Variants in GRM7 observed in about 807,000 individuals in gnomAD.
GRM7 encodes the protein metabotropic glutamate receptor 7.
Under a neutral mutation model 84.5 loss-of-function variants are expected in GRM7, and 35 were observed. The ratio of observed to expected loss-of-function variants is 0.41; its 90% CI spans 0.32 to 0.55. GRM7 has a LOEUF of 0.55. GRM7 is among the 20% of genes least tolerant of loss of function. The pLI is 0.19. For missense variants in GRM7, 1,003 were observed against 1,194.6 expected (o/e 0.84, Z 2.36); for synonymous variants, 487 against 455.1 (o/e 1.07, Z -0.89).
At chr3:7,376,472 C>T (rs1008501994) in intron 4 of GRM7, among the ~76,000 whole-genome samples, 1 of 152,150 alleles carries the variant, frequency 6.6e-6, no homozygotes, top group Non-Finnish European at 1.5e-5. Context: ...TAGAGACTAC[C>T]TGGTTATTTA....
intron 4 of GRM7, among the ~76,000 whole-genome samples, chr3:7,327,017 C>A (rs1701015317): frequency 6.6e-6 from 1 of 152,122 alleles, no homozygotes. Flanking sequence ...CTACAGATGG[C>A]ATCTCTCTTG....
intron 9 of GRM7, among the ~76,000 whole-genome samples, chr3:7,702,479 A>C (rs867399065): frequency 1.3e-5 from 2 of 152,256 alleles, no homozygotes; most frequent in Admixed American, 1.3e-4. Context: ...AGTCATAAAC[A>C]TTTTAATCTG....
intron 2 of GRM7, among the ~76,000 whole-genome samples, chr3:7,262,191 G>C (rs1350645112): frequency 6.6e-6 from 1 of 151,104 alleles, no homozygotes; most frequent in Non-Finnish European, 1.5e-5. Flanking sequence ...AAGTTCTCAT[G>C]AATGATATCC....
chr3:7,077,265 C>T (rs1698121409), intron 1 of GRM7, among the ~76,000 whole-genome samples: 1 of 152,182 alleles, frequency 6.6e-6, no homozygotes. Flanking sequence ...TGTAAGGACA[C>T]ATACACACGT....
chr3:7,698,421 C>A (rs1467802319), intron 9 of GRM7, among the ~76,000 whole-genome samples: 2 of 152,184 alleles, frequency 1.3e-5, no homozygotes, highest in African/African-American at 4.8e-5. Context: ...GCTCCTTTTA[C>A]AGATAAGCAA....
intron 4 of GRM7, among the ~76,000 whole-genome samples, chr3:7,378,705 C>T (rs572239903): frequency 6.6e-6 from 1 of 152,140 alleles, no homozygotes; most frequent in Admixed American, 6.5e-5. Flanking sequence ...ATAATAAAAT[C>T]TTAAAATATA....
At chr3:7,431,624 C>G (rs932264898) in intron 5 of GRM7, among the ~76,000 whole-genome samples, 24 of 152,162 alleles carry the variant, frequency 1.6e-4, no homozygotes, top group African/African-American at 5.5e-4. Flanking sequence ...TAAATCAAGT[C>G]TCAGTTTTCT....
At position 7,306,653 on chromosome 3, in the gene GRM7, G is replaced by A. The variant is rs1027408079; in HGVS notation, c.1033+1G>A. ...CAGCCCAAGCGAGCCACGGTGGAAG[G>A]TATGGGTTTCATCAGCAGTAGGTTT... On this transcript the variant is annotated splice_donor_variant, in intron 4 of 9. Transcript: ENST00000357716. LOFTEE classifies it high-confidence loss of function. 1.9e-6 allele frequency: 3 copies of A among 1,590,210 alleles called. No homozygotes were observed. Among genetic ancestry groups the A allele is most frequent in the African/African-American group, 1.4e-5 (1 of 73,768 alleles).
intron 2 of GRM7, among the ~76,000 whole-genome samples, chr3:7,204,909 T>C (rs1397747925): frequency 6.6e-6 from 1 of 152,248 alleles, no homozygotes; most frequent in Non-Finnish European, 1.5e-5. Flanking sequence ...TGTTTTTCAT[T>C]TGTAAATAAG....
chr3:6,900,124 T>G (rs549935408), intron 1 of GRM7, among the ~76,000 whole-genome samples: 1 of 152,328 alleles, frequency 6.6e-6, no homozygotes, highest in South Asian at 2.1e-4. Context: ...AAGGGGAATA[T>G]GTTTAGAGAT....
At chr3:7,291,489 GCTCTCTCTCTCTCTCT>G (rs71063301) in intron 2 of GRM7, among the ~76,000 whole-genome samples, 1,321 of 109,628 alleles carry the variant, frequency 0.012, 24 homozygotes, top group East Asian at 0.03. Flanking sequence ...AGTCATGCCA[GCTCTCTCTCTCTCTCT>G]CTCTCTCTCT....
intron 2 of GRM7, among the ~76,000 whole-genome samples, chr3:7,147,526 A>C (rs779942932): frequency 9.2e-5 from 14 of 152,212 alleles, no homozygotes; most frequent in Non-Finnish European, 1.8e-4. Context: ...CCATAAAAGC[A>C]AACAAACAAG....
At chr3:7,105,039 T>C (rs1189219363) in intron 1 of GRM7, among the ~76,000 whole-genome samples, 1 of 151,862 alleles carries the variant, frequency 6.6e-6, no homozygotes, top group African/African-American at 2.4e-5. Flanking sequence ...AGGCATTATC[T>C]TATTCTCCTT....
At chr3:7,015,361 T>C (rs562696624) in intron 1 of GRM7, among the ~76,000 whole-genome samples, 1 of 152,318 alleles carries the variant, frequency 6.6e-6, no homozygotes, top group South Asian at 2.1e-4. Context: ...CGATAGATAC[T>C]TGATGGGTAG....
At chr3:7,248,869 G>A (rs1697873313) in intron 2 of GRM7, among the ~76,000 whole-genome samples, 2 of 152,200 alleles carry the variant, frequency 1.3e-5, no homozygotes, top group Admixed American at 1.3e-4. Context: ...ACAGGTAGCT[G>A]CTCCTATGAT....
At chr3:7,656,522 A>G (rs142755743) in intron 8 of GRM7, among the ~76,000 whole-genome samples, 1 of 128,606 alleles carries the variant, frequency 7.8e-6, no homozygotes, top group East Asian at 2.2e-4. Flanking sequence ...AATAAAAAAA[A>G]ATATATATAT....
At chr3:7,020,918 G>A (rs565981244) in intron 1 of GRM7, among the ~76,000 whole-genome samples, 8 of 152,066 alleles carry the variant, frequency 5.3e-5, no homozygotes, top group African/African-American at 1.9e-4. Flanking sequence ...AATGTAAAGC[G>A]GTTTCTGAGA....
At chr3:7,060,323 C>T (rs192803823) in intron 1 of GRM7, among the ~76,000 whole-genome samples, 5 of 151,934 alleles carry the variant, frequency 3.3e-5, no homozygotes, top group Admixed American at 6.6e-5. Flanking sequence ...ATCTTGAATT[C>T]ATAGCCTCCA....
intron 1 of GRM7, among the ~76,000 whole-genome samples, chr3:6,985,603 A>G (rs1694378944): frequency 6.6e-6 from 1 of 152,198 alleles, no homozygotes; most frequent in African/African-American, 2.4e-5. Flanking sequence ...TCAAAGTGGC[A>G]AAATAGCCCA....
Sources: gnomAD v4.1 joint callset for allele counts (sites outside exome capture counted in the v4.1 genomes callset) on GRCh38, gnomAD v4.1.1 for gene constraint, MANE v1.5 for transcripts, NCBI Gene and HGNC (gene_info 2026-07-23, HGNC 2026-07-21) for gene names.